The following WWC2 variants were observed in gnomAD, a reference collection of about 807,000 sequenced individuals.
WWC2 encodes the protein WW and C2 domain containing 2.
WWC2 carries 101 observed loss-of-function variants against 138.5 expected under a neutral mutation model. The observed-to-expected ratio is 0.73, with a 90% CI of 0.62 to 0.86. The LOEUF is 0.86. Ranked by LOEUF, WWC2 falls within the 40% of genes least tolerant of loss-of-function variation. WWC2 has a pLI of 0.00. For missense variants in WWC2, 1,420 were observed against 1,419.4 expected (o/e 1.00, Z -0.01); for synonymous variants, 558 against 538.4 (o/e 1.04, Z -0.50).
At chr4:183,216,212 C>G (rs1276977016) in intron 4 of WWC2, among the ~76,000 whole-genome samples, 1 of 152,166 alleles carries the variant, frequency 6.6e-6, no homozygotes, top group East Asian at 1.9e-4. Context: ...GTTTTGCAAT[C>G]TTCAGCAGCC....
In WWC2 at chr4:183,289,617, G is replaced by A. The variant is rs1661874513; in HGVS notation, c.3366G>A (p.Leu1122=). The A allele has an allele frequency of 1.2e-6, 2 of 1,613,850 alleles. No homozygotes were observed. The highest frequency in any genetic ancestry group is 1.7e-6 in the Non-Finnish European group (2 of 1,179,860). The stretch of plus-strand genomic sequence containing the variant: ...AGGATGAGAGGTTCCAGAGGCTTCT[G>A]AAGCAAGCTGAGAAGCAGGTACGCA... ...VLEDERFQRL[L]KQAEKQAEQS... is the part of the protein sequence containing the mutation. The change falls in exon 21 of 23, where the codon CTG becomes CTA. Residue 1122 remains leucine, a synonymous_variant. Transcript: ENST00000403733.
chr4:183,185,137 C>G (rs1734751945), intron 1 of WWC2, among the ~76,000 whole-genome samples: 1 of 151,912 alleles, frequency 6.6e-6, no homozygotes, highest in Non-Finnish European at 1.5e-5. Context: ...CTTCCCAAAT[C>G]TACTGAGTCG....
At chr4:183,130,096 A>G (rs908895882) in intron 1 of WWC2, among the ~76,000 whole-genome samples, 1 of 146,646 alleles carries the variant, frequency 6.8e-6, no homozygotes, top group Non-Finnish European at 1.5e-5. Context: ...TCTGTCGCCC[A>G]GGGTGGAATG....
At chr4:183,247,632 A>AG (rs1736831171) in intron 6 of WWC2, among the ~76,000 whole-genome samples, 1 of 136,756 alleles carries the variant, frequency 7.3e-6, no homozygotes. Flanking sequence ...ACTATATACT[A>AG]TATATACTAT....
intron 1 of WWC2, among the ~76,000 whole-genome samples, chr4:183,175,393 C>T (rs1455158773): frequency 1.3e-5 from 2 of 152,088 alleles, no homozygotes; most frequent in African/African-American, 4.8e-5. Flanking sequence ...TCCCAAGTAG[C>T]TGGGACCACA....
intron 16 of WWC2, among the ~76,000 whole-genome samples, chr4:183,279,652 G>C (rs971078486): frequency 5.3e-5 from 8 of 152,140 alleles, no homozygotes; most frequent in Admixed American, 5.2e-4. Context: ...CACAATTTCA[G>C]ATCCTGTTAT....
rs757287013 is a variant in WWC2, at chr4:183,317,253, T to C, written c.*1524T>C. 6.6e-6 allele frequency: 1 copy of C among 152,166 alleles called. No individual in the cohort carries two copies. The highest frequency in any genetic ancestry group is 2.4e-5 in the African/African-American group (1 of 41,440). The allele number at this position is 152,166 out of a possible 1,614,324, so 9.4% of individuals were successfully genotyped here. A position where few individuals can be genotyped will look rare whatever the true frequency, so the allele number is the denominator to read the frequency against. The stretch of plus-strand genomic sequence containing the variant: ...ATTTTTATTTTCTTGAAAGCAATTA[T>C]ATATATTTTGGAAAGTTCATGTTAT... On this transcript the variant is annotated 3_prime_UTR_variant, in exon 23 of 23. Transcript: ENST00000403733.
intron 21 of WWC2, among the ~76,000 whole-genome samples, chr4:183,300,712 A>G (rs1182461962): frequency 6.6e-6 from 1 of 152,054 alleles, no homozygotes; most frequent in Non-Finnish European, 1.5e-5. Context: ...ATTCTTACTC[A>G]GCAGGGAAGG....
At chr4:183,273,493 G>A (rs1056305367) in intron 16 of WWC2, among the ~76,000 whole-genome samples, 2 of 152,002 alleles carry the variant, frequency 1.3e-5, no homozygotes, top group Non-Finnish European at 2.9e-5. Flanking sequence ...TAGTAGAGAC[G>A]GGGTTTCTCC....
At chr4:183,272,743 CATA>C (rs1560879839) in intron 16 of WWC2, among the ~76,000 whole-genome samples, 2 of 152,198 alleles carry the variant, frequency 1.3e-5, no homozygotes, top group Non-Finnish European at 2.9e-5. Flanking sequence ...TTTCACTTAG[CATA>C]ATATTTTCAA....
chr4:183,102,041 G>A (rs571212750), intron 1 of WWC2, among the ~76,000 whole-genome samples: 1 of 152,304 alleles, frequency 6.6e-6, no homozygotes, highest in Admixed American at 6.5e-5. Flanking sequence ...CATTCAACAG[G>A]TAGTCATGCC....
intron 6 of WWC2, among the ~76,000 whole-genome samples, chr4:183,248,163 A>T (rs989228471): frequency 6.6e-6 from 1 of 152,152 alleles, no homozygotes; most frequent in African/African-American, 2.4e-5. Context: ...AGACACACAG[A>T]TGGGCTTGTT....
At chr4:183,182,204 A>G (rs1435418091) in intron 1 of WWC2, among the ~76,000 whole-genome samples, 1 of 152,176 alleles carries the variant, frequency 6.6e-6, no homozygotes, top group Non-Finnish European at 1.5e-5. Flanking sequence ...TAACTTCTTC[A>G]AAAGGGAAGT....
intron 2 of WWC2, among the ~76,000 whole-genome samples, chr4:183,198,733 C>A (rs1276704498): frequency 7.2e-6 from 1 of 138,416 alleles, no homozygotes; most frequent in African/African-American, 2.8e-5. Context: ...GTGGGAAGAT[C>A]GCTAGAGCCT....
rs1561443917 is a variant in WWC2 at position 183,164,349 on chromosome 4, TATATATAC to T, written c.132-29242_132-29235del. 1.3e-3 allele frequency among the ~76,000 whole-genome samples: 176 copies of T among 139,790 alleles called. 8 individuals carry two copies. The highest frequency in any genetic ancestry group is 3.2e-3 in the African/African-American group (117 of 36,916). The allele number at this position is 139,790 out of a possible 152,430, so 91.7% of individuals were successfully genotyped here. On this transcript the variant is annotated intron_variant, in intron 1 of 22. Transcript: ENST00000403733. ...TATATATATATATACATATATATAT[TATATATAC>T]ATATATATATTATATATACATATAT...
rs186780114 is a variant in WWC2 at position 183,172,351 on chromosome 4, A to G, written c.132-21248A>G. Among the ~76,000 whole-genome samples the G allele has an allele frequency of 2.8e-3, 429 of 152,172 alleles. 4 individuals carry two copies. Among genetic ancestry groups the G allele is most frequent in the Non-Finnish European group, 2.9e-3 (195 of 68,008 alleles). On this transcript the variant is annotated intron_variant, in intron 1 of 22. Coordinates refer to ENST00000403733, the MANE Select transcript of WWC2 (RefSeq NM_024949.6). ...CTTGGTTTATTCTCTGTTTTGGTGG[A>G]GTAGCGTTGGAAAGGGAGCATAGAT...
intron 5 of WWC2, among the ~76,000 whole-genome samples, chr4:183,240,848 T>TA (rs1376898625): frequency 1.3e-5 from 2 of 152,184 alleles, no homozygotes; most frequent in East Asian, 3.8e-4. Context: ...GCTGGGCCGT[T>TA]AGCAGAGCCC....
intron 21 of WWC2, among the ~76,000 whole-genome samples, chr4:183,300,686 G>A (rs1247807448): frequency 6.6e-6 from 1 of 151,662 alleles, no homozygotes; most frequent in Non-Finnish European, 1.5e-5. Context: ...GACAAATACA[G>A]TCTTCAGTAA....
intron 1 of WWC2, among the ~76,000 whole-genome samples, chr4:183,114,914 C>A (rs553383931): frequency 1.3e-4 from 20 of 152,084 alleles, no homozygotes; most frequent in Admixed American, 1.0e-3. Context: ...CTCTGCCTCC[C>A]GGGTTCAAGC....
Sources: gnomAD v4.1 joint callset for allele counts (sites outside exome capture counted in the v4.1 genomes callset) on GRCh38, gnomAD v4.1.1 for gene constraint, MANE v1.5 for transcripts, NCBI Gene and HGNC (gene_info 2026-07-23, HGNC 2026-07-21) for gene names.